Variants in KCNJ6 observed in about 807,000 individuals in gnomAD.
The protein encoded by KCNJ6 is G protein-activated inward rectifier potassium channel 2.
A neutral mutation model predicts 34.2 loss-of-function variants in KCNJ6; 9 were observed. The ratio of observed to expected loss-of-function variants is 0.26; its 90% CI spans 0.16 to 0.46. KCNJ6 has a LOEUF of 0.46. KCNJ6 is among the 20% of genes least tolerant of loss of function. The pLI, the probability that KCNJ6 is intolerant of heterozygous loss-of-function variation, is 1.00. For missense variants in KCNJ6, 236 were observed against 531.3 expected, an observed-to-expected ratio of 0.44 and a Z score of 5.46; for synonymous variants, 196 against 207.1, an observed-to-expected ratio of 0.95 and a Z score of 0.46.
At chr21:37,776,652 C>CA (rs1366001994) in intron 2 of KCNJ6, among the ~76,000 whole-genome samples, 7 of 152,072 alleles carry the variant, frequency 4.6e-5, no homozygotes, top group Non-Finnish European at 8.8e-5. Flanking sequence ...GGATTACGTT[C>CA]ATTGATTGCA....
At chr21:37,631,450 C>A (rs1423143666) in intron 3 of KCNJ6, among the ~76,000 whole-genome samples, 1 of 151,984 alleles carries the variant, frequency 6.6e-6, no homozygotes, top group Non-Finnish European at 1.5e-5. Flanking sequence ...AAGAGATGAG[C>A]CTTCTGGGGC....
chr21:37,628,723 C>T (rs763115978), intron 3 of KCNJ6, among the ~76,000 whole-genome samples: 21 of 152,264 alleles, frequency 1.4e-4, no homozygotes, highest in Middle Eastern at 3.4e-3. Flanking sequence ...CAAAGAGATT[C>T]ACACTGAGAC....
chr21:37,791,373 C>T (rs1443972984), intron 2 of KCNJ6, among the ~76,000 whole-genome samples: 4 of 152,214 alleles, frequency 2.6e-5, no homozygotes, highest in Admixed American at 1.3e-4. Context: ...ATCTGACTAT[C>T]CCCCGTCACA....
At chr21:37,718,301 T>C (rs563177712) in intron 2 of KCNJ6, among the ~76,000 whole-genome samples, 1 of 152,348 alleles carries the variant, frequency 6.6e-6, no homozygotes, top group Non-Finnish European at 1.5e-5. Context: ...AAGCAATGAT[T>C]GTGTTTGACC....
At position 37,728,703 on chromosome 21, in the gene KCNJ6, T is replaced by C. The variant is rs1229340186; in HGVS notation, c.26-13572A>G. 2.6e-5 allele frequency among the ~76,000 whole-genome samples: 4 copies of C among 151,372 alleles called. No individual in the cohort carries two copies. In the East Asian group the frequency reaches 7.7e-4, roughly 29 times the overall value. ...GTATGTGTGTGTGTGTGTGTGTATATATATATATGTTTGAATTGCAAAGCA... is the reference window on the plus strand; with the variant it reads ...GTATGTGTGTGTGTGTGTGTGTATACATATATATGTTTGAATTGCAAAGCA... On this transcript the variant is annotated intron_variant, in intron 2 of 3. Coordinates refer to ENST00000609713, the MANE Select transcript of KCNJ6 (RefSeq NM_002240.5).
rs2054266897 is a variant in KCNJ6, at chr21:37,616,400, T to G, written c.*8759A>C. Reference sequence around the variant, plus strand: ...GGCTGAATAAAGATGTTCAGGAGCTTCTTTGGCAAGCTGGTCCCCTAATGG... The same window carrying G: ...GGCTGAATAAAGATGTTCAGGAGCTGCTTTGGCAAGCTGGTCCCCTAATGG... On this transcript the variant is annotated 3_prime_UTR_variant, in exon 4 of 4. Coordinates refer to ENST00000609713, the MANE Select transcript of KCNJ6 (RefSeq NM_002240.5). The G allele has an allele frequency of 6.6e-6, 1 of 151,158 alleles. No individual in the cohort carries two copies. Among genetic ancestry groups the G allele is most frequent in the Admixed American group, 6.6e-5 (1 of 15,114 alleles). The allele number at this position is 151,158 out of a possible 1,614,324, so 9.4% of individuals were successfully genotyped here.
intron 1 of KCNJ6, among the ~76,000 whole-genome samples, chr21:37,863,569 G>C (rs146192582): frequency 2.0e-5 from 3 of 152,236 alleles, no homozygotes; most frequent in African/African-American, 7.2e-5. Flanking sequence ...CACAGGGTGT[G>C]GTTGATATCT....
At chr21:37,833,389 G>T (rs1047319934) in intron 2 of KCNJ6, among the ~76,000 whole-genome samples, 30 of 152,140 alleles carry the variant, frequency 2.0e-4, no homozygotes, top group Non-Finnish European at 4.3e-4. Context: ...TCCAAACACA[G>T]AGTGGAATTG....
At chr21:37,638,486 C>T (rs576714638) in intron 3 of KCNJ6, among the ~76,000 whole-genome samples, 2 of 152,136 alleles carry the variant, frequency 1.3e-5, no homozygotes, top group Non-Finnish European at 2.9e-5. Context: ...TGTCTTACAC[C>T]TAAAGATTGA....
At chr21:37,824,276 C>T (rs747721292) in intron 2 of KCNJ6, among the ~76,000 whole-genome samples, 5 of 152,116 alleles carry the variant, frequency 3.3e-5, no homozygotes, top group African/African-American at 4.8e-5. Context: ...TCATATTTAA[C>T]ACCTTCATAA....
chr21:37,776,408 G>A (rs1428962549), intron 2 of KCNJ6, among the ~76,000 whole-genome samples: 8 of 152,178 alleles, frequency 5.3e-5, no homozygotes, highest in African/African-American at 1.9e-4. Context: ...GGGAAAGAGG[G>A]CATCCCTGTC....
rs539468304 is a variant in KCNJ6, at chr21:37,823,410, G to A, written c.25+17248C>T. ...CTAAAGAGTCCAACCCATATGACAT[G>A]GTTTGGCTTTGTGTCCCCACCCAAA... On this transcript the variant is annotated intron_variant, in intron 2 of 3. Transcript: ENST00000609713. Among the ~76,000 whole-genome samples the A allele has an allele frequency of 1.6e-3, 249 of 152,246 alleles. 1 individual carries two copies. The highest frequency in any genetic ancestry group is 5.5e-3 in the African/African-American group (228 of 41,558).
intron 2 of KCNJ6, among the ~76,000 whole-genome samples, chr21:37,798,369 T>C (rs2055253046): frequency 6.6e-6 from 1 of 152,224 alleles, no homozygotes; most frequent in Non-Finnish European, 1.5e-5. Context: ...CCCATGAGTC[T>C]CACTCCTAGT....
At chr21:37,655,220 TGTGTGAGAGAGAGAGAGAGA>T (rs1556014743) in intron 3 of KCNJ6, among the ~76,000 whole-genome samples, 66 of 8,962 alleles carry the variant, frequency 7.4e-3, no homozygotes, top group Middle Eastern at 0.038. Context: ...TGTGTGTGTG[TGTGTGAGAGAGAGAGAGAGA>T]GAGAGAGAGA....
intron 2 of KCNJ6, among the ~76,000 whole-genome samples, chr21:37,806,909 T>G (rs1228768619): frequency 6.6e-6 from 1 of 152,256 alleles, no homozygotes; most frequent in Non-Finnish European, 1.5e-5. Context: ...ATAAACCTTC[T>G]GTAAAGGCAT....
At chr21:37,693,914 A>C (rs1380196858) in intron 3 of KCNJ6, among the ~76,000 whole-genome samples, 2 of 120,340 alleles carry the variant, frequency 1.7e-5, no homozygotes, top group African/African-American at 6.7e-5. Context: ...ATCTTCATTC[A>C]ATTATTTACC....
chr21:37,629,417 T>C (rs1306468183), intron 3 of KCNJ6, among the ~76,000 whole-genome samples: 1 of 152,150 alleles, frequency 6.6e-6, no homozygotes, highest in Non-Finnish European at 1.5e-5. Context: ...CCCACATTCA[T>C]ATGCTGAAGT....
chr21:37,660,790 A>T (rs1250210091), intron 3 of KCNJ6, among the ~76,000 whole-genome samples: 1 of 152,174 alleles, frequency 6.6e-6, no homozygotes, highest in Non-Finnish European at 1.5e-5. Context: ...ACCAGAGGGC[A>T]CCCGTTTGGC....
chr21:37,657,296 G>A (rs568981423), intron 3 of KCNJ6, among the ~76,000 whole-genome samples: 5 of 152,292 alleles, frequency 3.3e-5, no homozygotes, highest in African/African-American at 9.6e-5. Context: ...ACCTACACAC[G>A]TCACCAATGA....
Sources: allele counts gnomAD v4.1 joint callset (sites outside exome capture counted in the v4.1 genomes callset), GRCh38; gene constraint gnomAD v4.1.1; transcripts MANE v1.5; gene names NCBI Gene and HGNC (gene_info 2026-07-23, HGNC 2026-07-21).